GLI2: variants seen among roughly 807,000 people sequenced by gnomAD.
GLI2 encodes the protein GLI family zinc finger 2.
GLI2 carries 22 observed loss-of-function variants against 78.9 expected under a neutral mutation model. The ratio of observed to expected loss-of-function variants is 0.28; its 90% CI spans 0.20 to 0.40. The LOEUF (loss-of-function observed/expected upper bound fraction) is 0.40, where lower values mean the gene tolerates loss of function less well. GLI2 is among the 10% of genes least tolerant of loss of function. The pLI, the probability that GLI2 is intolerant of heterozygous loss-of-function variation, is 1.00. For synonymous variants in GLI2, 974 were observed against 963.7 expected, an observed-to-expected ratio of 1.01 and a Z score of -0.20; for missense variants, 2,097 against 2,213.2, an observed-to-expected ratio of 0.95 and a Z score of 1.05.
At chr2:120,777,679 T>A (rs1267084571) in intron 1 of GLI2, among the ~76,000 whole-genome samples, 2 of 146,738 alleles carry the variant, frequency 1.4e-5, no homozygotes, top group African/African-American at 5.1e-5. Flanking sequence ...ATCTGGGGTG[T>A]AGACTTGGGC....
intron 1 of GLI2, among the ~76,000 whole-genome samples, chr2:120,768,319 C>T (rs1346803229): frequency 6.6e-6 from 1 of 152,222 alleles, no homozygotes; most frequent in Non-Finnish European, 1.5e-5. Context: ...GAGAAGCGCC[C>T]TCAGAGCTGG....
At chr2:120,771,628 T>C (rs564038806) in intron 1 of GLI2, among the ~76,000 whole-genome samples, 80 of 152,374 alleles carry the variant, frequency 5.3e-4, no homozygotes, top group African/African-American at 1.6e-3. Context: ...CTGTGAGTCA[T>C]TGGGCTGGAG....
intron 2 of GLI2, among the ~76,000 whole-genome samples, chr2:120,858,669 C>T (rs776532886): frequency 6.6e-6 from 1 of 152,082 alleles, no homozygotes; most frequent in Non-Finnish European, 1.5e-5. Flanking sequence ...GCCCAGTGGC[C>T]GGAGGCTGGT....
intron 1 of GLI2, among the ~76,000 whole-genome samples, chr2:120,748,728 G>C (rs1682768558): frequency 6.6e-6 from 1 of 152,176 alleles, no homozygotes; most frequent in Non-Finnish European, 1.5e-5. Context: ...TCCCCGTCTT[G>C]GGTTTGGGCT....
At chr2:120,980,607 T>C (rs541908154) in intron 10 of GLI2, among the ~76,000 whole-genome samples, 2 of 152,348 alleles carry the variant, frequency 1.3e-5, no homozygotes, top group Non-Finnish European at 2.9e-5. Context: ...TGATACTTTC[T>C]TTTAGAGCAC....
chr2:120,744,196 C>T (rs907784381), intron 1 of GLI2, among the ~76,000 whole-genome samples: 1 of 152,166 alleles, frequency 6.6e-6, no homozygotes, highest in Admixed American at 6.5e-5. Context: ...AAATTGAGGT[C>T]GTTGCAGTCT....
chr2:120,980,222 A>G (rs1221652317), intron 10 of GLI2, among the ~76,000 whole-genome samples: 5 of 152,168 alleles, frequency 3.3e-5, no homozygotes, highest in Admixed American at 3.3e-4. Context: ...TTTTCCAAAA[A>G]CGCTGCTCCA....
intron 2 of GLI2, among the ~76,000 whole-genome samples, chr2:120,865,902 C>G (rs1431378327): frequency 6.6e-6 from 1 of 152,248 alleles, no homozygotes; most frequent in Non-Finnish European, 1.5e-5. Flanking sequence ...GGCACCCCCC[C>G]TGTTCAAGAG....
chr2:120,905,840 AGGG>A (rs1678497871), intron 2 of GLI2, among the ~76,000 whole-genome samples: 1 of 151,354 alleles, frequency 6.6e-6, no homozygotes. Flanking sequence ...TGAGGTTACC[AGGG>A]GCTGATTGGG....
chr2:120,931,898 T>C lies in GLI2; in HGVS notation c.254+4432T>C, dbSNP rs755889244. Among the ~76,000 whole-genome samples, 158 of 152,228 alleles carry C rather than the reference T, an allele frequency of 1.0e-3. 1 individual carries two copies. The highest frequency in any genetic ancestry group is 3.4e-3 in the Middle Eastern group (1 of 294). On this transcript the variant is annotated intron_variant, in intron 3 of 13. Transcript: ENST00000361492. ...AGCATGGTGCTCCCAGAGCCCCCCG[T>C]CCCTACGCGGTCCTGCTGGGGTGGG... is the stretch of plus-strand genomic sequence containing the variant.
intron 1 of GLI2, among the ~76,000 whole-genome samples, chr2:120,784,037 C>A (rs1683922844): frequency 6.6e-6 from 1 of 152,212 alleles, no homozygotes. Flanking sequence ...CCGTTACCAG[C>A]TGTCTACTGG....
intron 5 of GLI2, among the ~76,000 whole-genome samples, chr2:120,956,461 G>C (rs1180496263): frequency 6.6e-6 from 1 of 152,114 alleles, no homozygotes; most frequent in Admixed American, 6.5e-5. Flanking sequence ...CTGACCATGA[G>C]CCTGCGGTCA....
chr2:120,921,007 T>C (rs1168625747), intron 2 of GLI2, among the ~76,000 whole-genome samples: 1 of 152,024 alleles, frequency 6.6e-6, no homozygotes, highest in Non-Finnish European at 1.5e-5. Flanking sequence ...ATCTTCATGC[T>C]CCTCGTGGGC....
At chr2:120,825,608 G>C (rs534433332) in intron 2 of GLI2, among the ~76,000 whole-genome samples, 3 of 151,818 alleles carry the variant, frequency 2.0e-5, no homozygotes, top group African/African-American at 7.3e-5. Context: ...GTGTGTGCTG[G>C]ACTGTAAGCA....
At chr2:120,985,955 A>T (rs1353481446) in intron 12 of GLI2, among the ~76,000 whole-genome samples, 1 of 152,052 alleles carries the variant, frequency 6.6e-6, no homozygotes, top group African/African-American at 2.4e-5. Flanking sequence ...TGTTGGTGGG[A>T]GTGTTTAAGT....
intron 2 of GLI2, among the ~76,000 whole-genome samples, chr2:120,868,864 A>G (rs1688286073): frequency 6.6e-6 from 1 of 152,102 alleles, no homozygotes; most frequent in South Asian, 2.1e-4. Context: ...TCTGAGAGGG[A>G]AAGAGGAGCT....
At chr2:120,829,012 A>C (rs911084178) in intron 2 of GLI2, among the ~76,000 whole-genome samples, 1 of 152,146 alleles carries the variant, frequency 6.6e-6, no homozygotes, top group Admixed American at 6.5e-5. Context: ...CTGTCACCCA[A>C]AATGACATGC....
chr2:120,761,378 G>A (rs1683207520), intron 1 of GLI2, among the ~76,000 whole-genome samples: 1 of 152,194 alleles, frequency 6.6e-6, no homozygotes, highest in African/African-American at 2.4e-5. Context: ...AGCCCAGGAG[G>A]TGAGACCAAG....
At chr2:120,977,014 A>G (rs191115695) in intron 9 of GLI2, among the ~76,000 whole-genome samples, 2 of 152,376 alleles carry the variant, frequency 1.3e-5, no homozygotes, top group African/African-American at 4.8e-5. Flanking sequence ...GGCTAATATG[A>G]TAAGATTTCC....
Sources: allele counts gnomAD v4.1 joint callset (sites outside exome capture counted in the v4.1 genomes callset), GRCh38; gene constraint gnomAD v4.1.1; transcripts MANE v1.5; gene names NCBI Gene and HGNC (gene_info 2026-07-23, HGNC 2026-07-21).